Variants in CYP2U1 observed in about 807,000 individuals in gnomAD.
CYP2U1 encodes the protein cytochrome P450 family 2 subfamily U member 1.
In CYP2U1, 28 loss-of-function variants were observed where a neutral mutation model predicts 42.8. That is an observed-to-expected ratio of 0.65 (90% CI 0.48 to 0.90). The LOEUF (loss-of-function observed/expected upper bound fraction) is 0.90. Among genes scored for constraint, CYP2U1 ranks in the 40% least tolerant of loss-of-function variants. The pLI is 0.00. For synonymous variants in CYP2U1, 296 were observed against 278.9 expected, an observed-to-expected ratio of 1.06 and a Z score of -0.61; for missense variants, 642 against 693.8, an observed-to-expected ratio of 0.93 and a Z score of 0.84.
At chr4:107,942,203 C>T (rs1326274034) in intron 1 of CYP2U1, among the ~76,000 whole-genome samples, 1 of 152,188 alleles carries the variant, frequency 6.6e-6, no homozygotes, top group East Asian at 1.9e-4. Flanking sequence ...CAAACAGTCT[C>T]AGACTGGGGA....
chr4:107,931,572 C>G lies in CYP2U1; in HGVS notation c.-72C>G. On this transcript the variant is annotated 5_prime_UTR_variant, in exon 1 of 5. Coordinates refer to ENST00000332884, the MANE Select transcript of CYP2U1 (RefSeq NM_183075.3). The stretch of plus-strand genomic sequence containing the variant: ...CCAGAGCAGAGCAGGACACTGGCGC[C>G]GCGGGTCAGGCAGCTGCGTGCGCGT... 8.3e-7 allele frequency: 1 copy of G among 1,211,218 alleles called. No homozygotes were observed. Among genetic ancestry groups the G allele is most frequent in the Non-Finnish European group, 1.0e-6 (1 of 973,684 alleles). 75.0% of individuals were successfully genotyped at this position (1,211,218 alleles called of 1,614,324 possible). A position where few individuals can be genotyped will look rare whatever the true frequency, so the allele number is the denominator to read the frequency against.
chr4:107,936,556 A>T (rs1446046651), intron 1 of CYP2U1: 1 of 153,240 alleles, frequency 6.5e-6, no homozygotes, highest in African/African-American at 2.4e-5. Context: ...ATCCTCTTGG[A>T]CTTCCCAGCC....
rs1732986402 is a variant in CYP2U1 at position 107,931,760 on chromosome 4, A to C, written c.117A>C (p.Leu39=). The change falls in exon 1 of 5, where the codon CTA becomes CTC. Residue 39 remains leucine (L), a synonymous_variant. Transcript: ENST00000332884. ...RLDPSGGALL[L]CGLVALLGWS... The stretch of plus-strand genomic sequence containing the variant: ...ACCCCAGCGGGGGCGCGCTGCTGCT[A>C]TGCGGCCTCGTAGCGCTGCTGGGCT... 1 of 1,462,086 alleles carries C rather than the reference A, an allele frequency of 6.8e-7. No homozygotes were observed. Among genetic ancestry groups the C allele is most frequent in the Non-Finnish European group, 9.0e-7 (1 of 1,115,316 alleles). 90.6% of individuals were successfully genotyped at this position (1,462,086 alleles called of 1,614,324 possible). A position where few individuals can be genotyped will look rare whatever the true frequency, so the allele number is the denominator to read the frequency against.
rs1398857890 is a variant in CYP2U1, at chr4:107,931,952, G to T, written c.309G>T (p.Pro103=). The part of the protein sequence containing the change: ...AAGIDPSVIG[P]QVLLAHLARV... Reference sequence around the variant, plus strand: ...GGATTGATCCCTCGGTCATAGGCCCGCAGGTGCTCCTGGCTCACCTAGCCC... The same window carrying T: ...GGATTGATCCCTCGGTCATAGGCCCTCAGGTGCTCCTGGCTCACCTAGCCC... Residue 103 remains proline (P), a synonymous_variant, in exon 1 of 5, where the codon CCG becomes CCT. Coordinates refer to ENST00000332884, the MANE Select transcript of CYP2U1 (RefSeq NM_183075.3). 3 of 1,551,426 alleles carry T rather than the reference G, an allele frequency of 1.9e-6. No homozygotes were observed. The highest frequency in any genetic ancestry group is 2.6e-6 in the Non-Finnish European group (3 of 1,147,138).
In CYP2U1 at chr4:107,952,549, T is replaced by G. The variant is rs1230188036; in HGVS notation, c.*2126T>G. 1 of 152,244 alleles carries G rather than the reference T, an allele frequency of 6.6e-6. No individual in the cohort carries two copies. The highest frequency in any genetic ancestry group is 3.2e-3 in the Middle Eastern group (1 of 316). The allele number at this position is 152,244 out of a possible 1,614,324, so 9.4% of individuals were successfully genotyped here. ...TAAAACACTTCTGTTTGGCCTTCTA[T>G]AACTGATCACCCTTCTTTGCTCTGT... On this transcript the variant is annotated 3_prime_UTR_variant, in exon 5 of 5. Coordinates refer to ENST00000332884, the MANE Select transcript of CYP2U1 (RefSeq NM_183075.3).
chr4:107,938,414 C>T (rs867455142), intron 1 of CYP2U1: 1 of 152,212 alleles, frequency 6.6e-6, no homozygotes, highest in Non-Finnish European at 1.5e-5. Flanking sequence ...TTGAATCCTT[C>T]CCCAGAATTT....
chr4:107,947,336 C>T (rs746136133), intron 2 of CYP2U1, 40 bp from the exon 3 acceptor site: 1 of 1,598,264 alleles, frequency 6.3e-7, no homozygotes, highest in Non-Finnish European at 8.6e-7. Context: ...CGACTCTGTC[C>T]CATGCTTATC....
chr4:107,950,541 G>C lies in CYP2U1; in HGVS notation c.*118G>C. On this transcript the variant is annotated 3_prime_UTR_variant, in exon 5 of 5. Coordinates refer to ENST00000332884, the MANE Select transcript of CYP2U1 (RefSeq NM_183075.3). The stretch of plus-strand genomic sequence containing the variant: ...ACTCAGTGGATCCAAGCTGGGCTCA[G>C]AGGTCGGAAGGAGGGTAGAGCACAC... 3.6e-6 allele frequency: 4 copies of C among 1,116,496 alleles called. No homozygotes were observed. The highest frequency in any genetic ancestry group is 4.9e-6 in the Non-Finnish European group (4 of 814,718). The allele number at this position is 1,116,496 out of a possible 1,614,324, so 69.2% of individuals were successfully genotyped here. A position where few individuals can be genotyped will look rare whatever the true frequency, so the allele number is the denominator to read the frequency against.
intron 1 of CYP2U1, chr4:107,938,508 C>G (rs751232053): frequency 1.3e-5 from 2 of 152,054 alleles, no homozygotes; most frequent in Non-Finnish European, 2.9e-5. Flanking sequence ...GCTCATTTTT[C>G]ATTGAAAAGC....
chr4:107,936,524 G>C (rs962791900), intron 1 of CYP2U1: 1 of 153,436 alleles, frequency 6.5e-6, no homozygotes, highest in African/African-American at 2.4e-5. Flanking sequence ...CAGCATGAAG[G>C]CCCTTGCCAG....
At chr4:107,943,772 C>A (rs1289975031) in intron 1 of CYP2U1, among the ~76,000 whole-genome samples, 1 of 152,150 alleles carries the variant, frequency 6.6e-6, no homozygotes, top group Non-Finnish European at 1.5e-5. Flanking sequence ...ATCTACTGCA[C>A]CCCATGCCTG....
chr4:107,933,793 T>G (rs2126190874), intron 1 of CYP2U1, among the ~76,000 whole-genome samples: 1 of 152,358 alleles, frequency 6.6e-6, no homozygotes, highest in Middle Eastern at 3.4e-3. Flanking sequence ...ATGTAAATGC[T>G]TTGTAAATAG....
Position 107,947,380 on chromosome 4 carries a change from G to C in CYP2U1, c.1131G>C (p.Lys377Asn). ...TATTTTTCCCTTTTTACATAGAAAAGGTTCATGAAGAAATTGAAAGAGTCA... is the reference window on the plus strand; with the variant it reads ...TATTTTTCCCTTTTTACATAGAAAACGTTCATGAAGAAATTGAAAGAGTCA... ...YMSLNPDVQE[K>N]VHEEIERVIG... Residue 377 changes from lysine (K) to asparagine (N), a missense_variant, in exon 3 of 5, where the codon AAG (lysine) becomes AAC (asparagine). By Grantham distance (94) the Lys-to-Asn change is moderately conservative (BLOSUM62 0). Coordinates refer to ENST00000332884, the MANE Select transcript of CYP2U1 (RefSeq NM_183075.3). 1 of 1,614,048 alleles carries C rather than the reference G, an allele frequency of 6.2e-7. No individual in the cohort carries two copies. Among genetic ancestry groups the C allele is most frequent in the South Asian group, 1.1e-5 (1 of 91,070 alleles).
rs1733954760 is a variant in CYP2U1 at position 107,952,789 on chromosome 4, A to G, written c.*2366A>G. 2.0e-5 allele frequency: 3 copies of G among 152,266 alleles called. No homozygotes were observed. The highest frequency in any genetic ancestry group is 7.2e-5 in the African/African-American group (3 of 41,472). 9.4% of individuals were successfully genotyped at this position (152,266 alleles called of 1,614,324 possible). A position where few individuals can be genotyped will look rare whatever the true frequency, so the allele number is the denominator to read the frequency against. ...GCTTAACCAAAACATAATCATAGGAAGAAGAAAAATTTTAAAATGATTGAT... is the reference window on the plus strand; with the variant it reads ...GCTTAACCAAAACATAATCATAGGAGGAAGAAAAATTTTAAAATGATTGAT... On this transcript the variant is annotated 3_prime_UTR_variant, in exon 5 of 5. Transcript: ENST00000332884.
At chr4:107,943,770 C>T in intron 1 of CYP2U1, among the ~76,000 whole-genome samples, 1 of 152,194 alleles carries the variant, frequency 6.6e-6, no homozygotes, top group East Asian at 1.9e-4. Flanking sequence ...GTATCTACTG[C>T]ACCCCATGCC....
In CYP2U1 at chr4:107,932,096, G is replaced by C. The variant is rs764878369; in HGVS notation, c.453G>C (p.Pro151=). 1 of 1,599,884 alleles carries C rather than the reference G, an allele frequency of 6.3e-7. No individual in the cohort carries two copies. Among genetic ancestry groups the C allele is most frequent in the South Asian group, 1.1e-5 (1 of 88,470 alleles). Residue 151 remains proline, a synonymous_variant, in exon 1 of 5, where the codon CCG becomes CCC. Coordinates refer to ENST00000332884, the MANE Select transcript of CYP2U1 (RefSeq NM_183075.3). ...VQQAEVFSDR[P]RVPLISIVTK... ...AGGCCGAGGTCTTCAGCGACCGCCCGCGGGTGCCGCTCATCTCCATCGTGA... is the reference window on the plus strand; with the variant it reads ...AGGCCGAGGTCTTCAGCGACCGCCCCCGGGTGCCGCTCATCTCCATCGTGA...
rs369554063 is a variant in CYP2U1, at chr4:107,940,727, TA to T, written c.491-4241del. On this transcript the variant is annotated intron_variant, in intron 1 of 4. Transcript: ENST00000332884. The stretch of plus-strand genomic sequence containing the variant: ...GTTTGCCAACCACTCAACTAGACTT[TA>T]AGTAAGCGTGTTAAAAATGTAAGAG... 390 of 152,276 alleles carry T rather than the reference TA, an allele frequency of 2.6e-3. 1 individual carries two copies. The highest frequency in any genetic ancestry group is 8.9e-3 in the African/African-American group (370 of 41,534). The allele number at this position is 152,276 out of a possible 1,614,324, so 9.4% of individuals were successfully genotyped here. A position where few individuals can be genotyped will look rare whatever the true frequency, so the allele number is the denominator to read the frequency against.
rs376118271 is a variant in CYP2U1 at position 107,947,510 on chromosome 4, A to G, written c.1261A>G (p.Ile421Val). 3 of 1,613,970 alleles carry G rather than the reference A, an allele frequency of 1.9e-6. No individual in the cohort carries two copies. The highest frequency in any genetic ancestry group is 1.3e-5 in the African/African-American group (1 of 74,920). Residue 421 changes from isoleucine (I) to valine (V), a missense_variant, in exon 3 of 5, where the codon ATT becomes GTT. Transcript: ENST00000332884. ...QRLTVVVPLA[I>V]PHMTSENTVL... ...GCTAACTGTGGTGGTGCCGCTTGCC[A>G]TTCCTCATATGACCTCAGAGAACAC...
Position 107,931,993 on chromosome 4 carries a change from T to G in CYP2U1, c.350T>G (p.Ile117Ser), listed in dbSNP as rs1733006943. The change falls in exon 1 of 5, where the codon ATC becomes AGC. Residue 117 changes from isoleucine (I) to serine (S), a missense_variant. Ile to Ser is a moderately radical substitution (Grantham distance 142). Coordinates refer to ENST00000332884, the MANE Select transcript of CYP2U1 (RefSeq NM_183075.3). The stretch of plus-strand genomic sequence containing the variant: ...CACCTAGCCCGCGTGTACGGCAGCA[T>G]CTTCAGCTTCTTTATCGGCCACTAC... ...LAHLARVYGSIFSFFIGHYLV... is the reference protein window; with the variant it reads ...LAHLARVYGSSFSFFIGHYLV... 1 of 1,554,386 alleles carries G rather than the reference T, an allele frequency of 6.4e-7. No homozygotes were observed. Among genetic ancestry groups the G allele is most frequent in the African/African-American group, 1.4e-5 (1 of 73,206 alleles).
Sources: allele counts gnomAD v4.1 joint callset (sites outside exome capture counted in the v4.1 genomes callset), GRCh38; gene constraint gnomAD v4.1.1; transcripts MANE v1.5; gene names NCBI Gene and HGNC (gene_info 2026-07-23, HGNC 2026-07-21).